CTNNA2: variants seen among roughly 807,000 people sequenced by gnomAD.
The protein encoded by CTNNA2 is catenin alpha 2.
A neutral mutation model predicts 101.0 loss-of-function variants in CTNNA2; 42 were observed. That is an observed-to-expected ratio of 0.42 (90% confidence interval 0.32 to 0.54). The LOEUF is 0.54. Among genes scored for constraint, CTNNA2 ranks in the 20% least tolerant of loss-of-function variants. CTNNA2 has a pLI of 0.14. For missense variants in CTNNA2, 871 were observed against 1,223.1 expected (o/e 0.71, Z 4.29); for synonymous variants, 450 against 456.4 (o/e 0.99, Z 0.18).
At chr2:80,514,459 G>T (rs539204420) in intron 9 of CTNNA2, among the ~76,000 whole-genome samples, 1 of 152,188 alleles carries the variant, frequency 6.6e-6, no homozygotes, top group Non-Finnish European at 1.5e-5. Context: ...GAGTGCAAAC[G>T]GCCAGTGTGA....
intron 1 of CTNNA2, among the ~76,000 whole-genome samples, chr2:79,554,966 T>A (rs1281249999): frequency 6.6e-6 from 1 of 152,212 alleles, no homozygotes; most frequent in Non-Finnish European, 1.5e-5. Flanking sequence ...AGCAGCCATT[T>A]AATTGCATTT....
intron 3 of CTNNA2, among the ~76,000 whole-genome samples, chr2:79,327,880 C>T (rs1676781982): frequency 6.6e-6 from 1 of 152,164 alleles, no homozygotes; most frequent in Non-Finnish European, 1.5e-5. Context: ...TAGCCATCTC[C>T]TTGGAAAGAC....
At chr2:80,476,281 C>A (rs542515577) in intron 9 of CTNNA2, among the ~76,000 whole-genome samples, 1 of 152,218 alleles carries the variant, frequency 6.6e-6, no homozygotes, top group East Asian at 1.9e-4. Flanking sequence ...TCAATTAGGA[C>A]AGATTTTGTT....
chr2:80,596,138 G>A (rs1031425744), intron 15 of CTNNA2, among the ~76,000 whole-genome samples: 3 of 151,874 alleles, frequency 2.0e-5, no homozygotes, highest in African/African-American at 7.3e-5. Flanking sequence ...GTGAATGGAA[G>A]TTCACTCATG....
At chr2:79,894,813 A>G (rs1684585259) in intron 6 of CTNNA2, among the ~76,000 whole-genome samples, 1 of 152,216 alleles carries the variant, frequency 6.6e-6, no homozygotes, top group Non-Finnish European at 1.5e-5. Context: ...TGAGCACCAA[A>G]TAGACAGAGA....
intron 2 of CTNNA2, among the ~76,000 whole-genome samples, chr2:79,653,313 C>G (rs1681386297): frequency 6.6e-6 from 1 of 152,130 alleles, no homozygotes; most frequent in East Asian, 1.9e-4. Context: ...GTCCATTCAG[C>G]CTTCGTGCAT....
At chr2:80,126,725 C>G (rs1702156092) in intron 7 of CTNNA2, among the ~76,000 whole-genome samples, 1 of 151,208 alleles carries the variant, frequency 6.6e-6, no homozygotes, top group South Asian at 2.1e-4. Flanking sequence ...TGTCTACCAA[C>G]TCATGGCCTA....
At chr2:79,788,693 A>G (rs758035924) in intron 3 of CTNNA2, among the ~76,000 whole-genome samples, 4 of 152,318 alleles carry the variant, frequency 2.6e-5, no homozygotes, top group Middle Eastern at 3.4e-3. Context: ...ACATACATCC[A>G]TGCACACAAT....
At chr2:80,452,297 T>G (rs999804183) in intron 9 of CTNNA2, among the ~76,000 whole-genome samples, 1 of 151,536 alleles carries the variant, frequency 6.6e-6, no homozygotes, top group Admixed American at 6.6e-5. Flanking sequence ...ATTTATTCAA[T>G]CAACAAATAT....
At chr2:79,991,148 A>G (rs936134910) in intron 7 of CTNNA2, among the ~76,000 whole-genome samples, 1 of 152,056 alleles carries the variant, frequency 6.6e-6, no homozygotes, top group Non-Finnish European at 1.5e-5. Flanking sequence ...TATTGTGTCT[A>G]TTTGATTCTT....
intron 7 of CTNNA2, among the ~76,000 whole-genome samples, chr2:80,374,458 G>A (rs1011787078): frequency 4.6e-5 from 7 of 152,082 alleles, no homozygotes; most frequent in Non-Finnish European, 7.4e-5. Context: ...CCAATTTACC[G>A]TTCATGGGTA....
chr2:79,760,309 G>T (rs1016745771), intron 3 of CTNNA2, among the ~76,000 whole-genome samples: 10 of 143,274 alleles, frequency 7.0e-5, no homozygotes, highest in Non-Finnish European at 1.5e-4. Flanking sequence ...GTGTGTGTGT[G>T]TGTATATAAT....
Position 80,246,747 on chromosome 2 carries a change from A to G in CTNNA2, c.1057-146464A>G, listed in dbSNP as rs375709284. Among the ~76,000 whole-genome samples, 5 of 152,344 alleles carry G rather than the reference A, an allele frequency of 3.3e-5. No homozygotes were observed. In the East Asian group the frequency reaches 9.6e-4, roughly 29 times the overall value. The stretch of plus-strand genomic sequence containing the variant: ...CTAGATCTAGAATCACTTTGCAAGA[A>G]GTAAGCACTGTGCAAAGGAAAGGAT... On this transcript the variant is annotated intron_variant, in intron 7 of 18. Coordinates refer to ENST00000402739, the MANE Select transcript of CTNNA2 (RefSeq NM_001282597.3).
In CTNNA2 at chr2:80,232,337, G is replaced by GTT. The variant is rs1188876238; in HGVS notation, c.1057-160872_1057-160871dup. Among the ~76,000 whole-genome samples, 324 of 44,972 alleles carry GTT rather than the reference G, an allele frequency of 7.2e-3. 6 individuals carry two copies. The highest frequency in any genetic ancestry group is 0.048 in the African/African-American group (299 of 6,284). 29.5% of individuals were successfully genotyped at this position (44,972 alleles called of 152,430 possible). On this transcript the variant is annotated intron_variant, in intron 7 of 18. Coordinates refer to ENST00000402739, the MANE Select transcript of CTNNA2 (RefSeq NM_001282597.3). ...GAATTTGGGTTTTGTTTGTTTGTTTGTTTGTTTGTTTTTTTTTTTTTTTTT... is the reference window on the plus strand; with the variant it reads ...GAATTTGGGTTTTGTTTGTTTGTTTGTTTTTGTTTGTTTTTTTTTTTTTTTTT...
intron 18 of CTNNA2, among the ~76,000 whole-genome samples, chr2:80,627,325 T>C (rs758945552): frequency 8.5e-5 from 13 of 152,318 alleles, no homozygotes; most frequent in South Asian, 8.3e-4. Context: ...TAGTTTATAG[T>C]TCCACCAACA....
At chr2:79,224,415 G>C (rs780601200) in intron 2 of CTNNA2, among the ~76,000 whole-genome samples, 1 of 151,994 alleles carries the variant, frequency 6.6e-6, no homozygotes, top group African/African-American at 2.4e-5. Context: ...TATCACCCAG[G>C]TTCCACAATT....
chr2:80,295,579 T>G (rs1254161635), intron 7 of CTNNA2, among the ~76,000 whole-genome samples: 1 of 152,224 alleles, frequency 6.6e-6, no homozygotes, highest in Non-Finnish European at 1.5e-5. Flanking sequence ...CCACTTTTGT[T>G]TCAAGTTTTA....
At chr2:79,304,515 T>C (rs888243095) in intron 2 of CTNNA2, among the ~76,000 whole-genome samples, 3 of 152,206 alleles carry the variant, frequency 2.0e-5, no homozygotes, top group African/African-American at 7.2e-5. Context: ...AGAAGTCACT[T>C]GTCAGACAAA....
intron 7 of CTNNA2, among the ~76,000 whole-genome samples, chr2:80,168,689 C>G (rs1326963949): frequency 6.6e-6 from 1 of 152,116 alleles, no homozygotes; most frequent in Non-Finnish European, 1.5e-5. Context: ...CATTGGGCAG[C>G]TTTACAAACT....
Sources: gnomAD v4.1 joint callset for allele counts (sites outside exome capture counted in the v4.1 genomes callset) on GRCh38, gnomAD v4.1.1 for gene constraint, MANE v1.5 for transcripts, NCBI Gene and HGNC (gene_info 2026-07-23, HGNC 2026-07-21) for gene names.